UBR4: variants seen among roughly 807,000 people sequenced by gnomAD.
The protein encoded by UBR4 is E3 ubiquitin-protein ligase UBR4.
In UBR4, 124 loss-of-function variants were observed where a neutral mutation model predicts 575.6. The ratio of observed to expected loss-of-function variants is 0.22; its 90% CI spans 0.19 to 0.25. The LOEUF is 0.25. Among genes scored for constraint, UBR4 ranks in the 10% least tolerant of loss-of-function variants. The pLI, the probability that UBR4 is intolerant of heterozygous loss-of-function variation, is 1.00. For missense variants in UBR4, 4,818 were observed against 6,478.8 expected (o/e 0.74, Z 8.80); for synonymous variants, 2,455 against 2,473.7 (o/e 0.99, Z 0.22).
At chr1:19,196,128 G>C (rs542051025) in intron 8 of UBR4, among the ~76,000 whole-genome samples, 3 of 152,066 alleles carry the variant, frequency 2.0e-5, no homozygotes, top group Non-Finnish European at 4.4e-5. Context: ...CAACATCAGA[G>C]CTCCTTCATG....
chr1:19,199,897 G>A, intron 2 of UBR4, 143 bp from the exon 3 acceptor site: 2 of 691,458 alleles, frequency 2.9e-6, no homozygotes, highest in Non-Finnish European at 4.9e-6. Context: ...GGTAAACAAA[G>A]GCATTTTGAC....
Position 19,110,058 on chromosome 1 carries a change from C to G in UBR4, c.12105+38G>C. On this transcript the variant is annotated intron_variant, in intron 81 of 105. Transcript: ENST00000375254. This position sits in a 1 kb window ranked among gnomAD's most constrained non-coding sequence, Gnocchi z 4.5. ...GCCAGGGAATGAGGAGGGTGGCCGC[C>G]CTGCCCTTCCTTGTTAGACCCCTGC... The G allele has an allele frequency of 6.2e-7, 1 of 1,612,448 alleles. No individual in the cohort carries two copies. The highest frequency in any genetic ancestry group is 8.5e-7 in the Non-Finnish European group (1 of 1,179,590).
rs368795031 is a variant in UBR4, at chr1:19,186,531, G to A, written c.1750+9C>T. 14 of 1,610,468 alleles carry A rather than the reference G, an allele frequency of 8.7e-6. No individual in the cohort carries two copies. Among genetic ancestry groups the A allele is most frequent in the African/African-American group, 2.7e-5 (2 of 74,812 alleles). On this transcript the variant is annotated intron_variant, in intron 14 of 105. Coordinates refer to ENST00000375254, the MANE Select transcript of UBR4 (RefSeq NM_020765.3). ...TTATCTCTGGGAGAGAGAAAAGAGC[G>A]GCCTCTACCTTGGCTGCTGTCCTCC...
intron 14 of UBR4, 37 bp from the exon 15 acceptor site, chr1:19,185,323 T>C (rs769298040): frequency 1.3e-6 from 2 of 1,501,854 alleles, no homozygotes; most frequent in East Asian, 4.7e-5. Flanking sequence ...AAATAAATAT[T>C]TTTTAAAAGT....
Position 19,110,515 on chromosome 1 carries a change from G to A in UBR4, c.11893-51C>T. Reference sequence around the variant, plus strand: ...AGTCAAGAGGGTCAGCTCCGGTCCAGCGACTCTTAACTATTAATACAATTT... The same window carrying A: ...AGTCAAGAGGGTCAGCTCCGGTCCAACGACTCTTAACTATTAATACAATTT... On this transcript the variant is annotated intron_variant, in intron 79 of 105. Coordinates refer to ENST00000375254, the MANE Select transcript of UBR4 (RefSeq NM_020765.3). This position sits in a 1 kb window ranked among gnomAD's most constrained non-coding sequence, Gnocchi z 4.5. 3.2e-6 allele frequency: 5 copies of A among 1,574,942 alleles called. No individual in the cohort carries two copies. The highest frequency in any genetic ancestry group is 4.4e-6 in the Non-Finnish European group (5 of 1,148,194).
At chr1:19,101,395 C>A in intron 88 of UBR4, 125 bp downstream of exon 88, 1 of 1,309,182 alleles carries the variant, frequency 7.6e-7, no homozygotes, top group Admixed American at 2.7e-5. Context: ...GATCTTCTTT[C>A]ACTAATGACT....
At chr1:19,193,702 T>A in intron 8 of UBR4, 145 bp from the exon 9 acceptor site, 2 of 1,158,454 alleles carry the variant, frequency 1.7e-6, no homozygotes, top group Non-Finnish European at 2.4e-6. Context: ...ACTAAATAGG[T>A]TTACCATACA....
chr1:19,165,202 C>T (rs774842551), intron 31 of UBR4, 47 bp downstream of exon 31: 29 of 1,557,570 alleles, frequency 1.9e-5, no homozygotes, highest in Non-Finnish European at 2.1e-5. Context: ...CAGTATTAGC[C>T]GGACATCAAA....
At chr1:19,082,801 G>A (rs1400963851) in intron 102 of UBR4, among the ~76,000 whole-genome samples, 1 of 152,200 alleles carries the variant, frequency 6.6e-6, no homozygotes, top group Non-Finnish European at 1.5e-5. Flanking sequence ...TAGGGAATCT[G>A]AGGCTGTTGG....
chr1:19,155,868 A>T (rs2086369733), intron 42 of UBR4, among the ~76,000 whole-genome samples, 200 bp from the exon 43 acceptor site: 2 of 152,356 alleles, frequency 1.3e-5, no homozygotes, highest in South Asian at 4.1e-4. Flanking sequence ...AGTAGGGGAC[A>T]GACATACATA....
At chr1:19,078,843 T>C (rs1393122088) in intron 103 of UBR4, 1 of 152,184 alleles carries the variant, frequency 6.6e-6, no homozygotes, top group African/African-American at 2.4e-5. Context: ...ATTCTTGGTT[T>C]GAGGTTTGAG....
chr1:19,151,778 C>T lies in UBR4; in HGVS notation c.7078G>A (p.Ala2360Thr). 1 of 1,614,170 alleles carries T rather than the reference C, an allele frequency of 6.2e-7. No homozygotes were observed. The highest frequency in any genetic ancestry group is 8.5e-7 in the Non-Finnish European group (1 of 1,180,016). Residue 2360 changes from alanine to threonine, a missense_variant, in exon 48 of 106, where the codon GCA becomes ACA. Transcript: ENST00000375254. ...TGMRIQIGTQ[A>T]IERAPSYIEI... Reference sequence around the variant, plus strand: ...ATATATGACGGGGCCCGTTCTATTGCTTGAGTCCCAATCTGGATCCGCATG... The same window carrying T: ...ATATATGACGGGGCCCGTTCTATTGTTTGAGTCCCAATCTGGATCCGCATG...
At chr1:19,119,349 G>A (rs146346260) in intron 70 of UBR4, among the ~76,000 whole-genome samples, 418 of 152,216 alleles carry the variant, frequency 2.7e-3, no homozygotes, top group Admixed American at 7.3e-3. Context: ...CTTGACCTAC[G>A]TCCTATGTTA....
At chr1:19,107,377 C>T (rs1570558925) in intron 81 of UBR4, among the ~76,000 whole-genome samples, 3 of 152,284 alleles carry the variant, frequency 2.0e-5, no homozygotes, top group Admixed American at 2.0e-4. Flanking sequence ...TCCAGTCCAG[C>T]GTGTCTCAAG....
At chr1:19,162,640 G>A in intron 34 of UBR4, 29 bp from the exon 35 acceptor site, 1 of 1,586,292 alleles carries the variant, frequency 6.3e-7, no homozygotes, top group Non-Finnish European at 8.6e-7. Flanking sequence ...AGCAACTTCA[G>A]ATTCTCCATG....
chr1:19,170,714 T>G (rs1294572417), intron 26 of UBR4, 48 bp downstream of exon 26: 5 of 1,613,380 alleles, frequency 3.1e-6, no homozygotes, highest in Non-Finnish European at 4.2e-6. Flanking sequence ...GTACTAGCAG[T>G]AGTAGCTGTT....
intron 63 of UBR4, among the ~76,000 whole-genome samples, 170 bp downstream of exon 63, chr1:19,127,453 G>A (rs971169256): frequency 2.0e-5 from 3 of 152,120 alleles, no homozygotes; most frequent in South Asian, 4.1e-4. Context: ...GAAGGGATTC[G>A]GGAAAAGGTG....
At chr1:19,102,773 C>T (rs185278343) in intron 87 of UBR4, among the ~76,000 whole-genome samples, 2 of 152,320 alleles carry the variant, frequency 1.3e-5, no homozygotes, top group African/African-American at 4.8e-5. Context: ...ACCCCCAACC[C>T]CATGCCCCAC....
chr1:19,134,056 A>T (rs2082876784), intron 60 of UBR4, among the ~76,000 whole-genome samples: 2 of 139,776 alleles, frequency 1.4e-5, no homozygotes, highest in Non-Finnish European at 3.0e-5. Flanking sequence ...ACTGCACTCC[A>T]GCCTGGGCAA....
Sources: allele counts gnomAD v4.1 joint callset (sites outside exome capture counted in the v4.1 genomes callset), GRCh38; gene constraint gnomAD v4.1.1; non-coding constraint Gnocchi (gnomAD v3.1); transcripts MANE v1.5; gene names NCBI Gene and HGNC (gene_info 2026-07-23, HGNC 2026-07-21).